The following NCALD variants were observed in gnomAD, a reference collection of about 807,000 sequenced individuals.
NCALD encodes neurocalcin delta, also known as neurocalcin-delta.
NCALD carries 10 observed loss-of-function variants against 18.6 expected under a neutral mutation model. The observed-to-expected ratio is 0.54, with a 90% CI of 0.33 to 0.91. The LOEUF (loss-of-function observed/expected upper bound fraction) is 0.91, where lower values mean the gene tolerates loss of function less well. Among genes scored for constraint, NCALD ranks in the 40% least tolerant of loss-of-function variants. The pLI is 0.03. For missense variants in NCALD, 184 were observed against 247.6 expected (o/e 0.74, Z 1.72); for synonymous variants, 88 against 87.4 (o/e 1.01, Z -0.04).
At chr8:101,826,603 G>A (rs1264191252) in intron 4 of NCALD, among the ~76,000 whole-genome samples, 1 of 152,110 alleles carries the variant, frequency 6.6e-6, no homozygotes. Context: ...TATGTGTGTG[G>A]GTGATTTGAA....
chr8:101,854,713 T>G (rs1815236102), intron 4 of NCALD, among the ~76,000 whole-genome samples: 1 of 152,216 alleles, frequency 6.6e-6, no homozygotes, highest in South Asian at 2.1e-4. Flanking sequence ...AATTCAGGGC[T>G]AACACACCGA....
intron 1 of NCALD, among the ~76,000 whole-genome samples, chr8:102,069,465 G>A (rs1057497671): frequency 2.0e-5 from 3 of 152,170 alleles, no homozygotes; most frequent in Non-Finnish European, 4.4e-5. Flanking sequence ...CTGCAGGAAT[G>A]TTTTGCAATA....
chr8:101,697,721 A>T (rs952766039), intron 2 of NCALD, among the ~76,000 whole-genome samples: 3 of 152,214 alleles, frequency 2.0e-5, no homozygotes, highest in African/African-American at 7.2e-5. Flanking sequence ...TCAATAGATC[A>T]GAAAAGGCCT....
At position 102,017,452 on chromosome 8, in the gene NCALD, G is replaced by A. The variant is rs146046198; in HGVS notation, c.-157+2785C>T. 3.6e-3 allele frequency among the ~76,000 whole-genome samples: 548 copies of A among 152,272 alleles called. 2 individuals are homozygous for A. Among genetic ancestry groups the A allele is most frequent in the Non-Finnish European group, 6.2e-3 (425 of 68,024 alleles). Reference sequence around the variant, plus strand: ...TTCCAGGCTGAGCGCGGTGGCTCACGCCTATAATACCAGCACTTTGGGAGG... The same window carrying A: ...TTCCAGGCTGAGCGCGGTGGCTCACACCTATAATACCAGCACTTTGGGAGG... On this transcript the variant is annotated intron_variant, in intron 2 of 6. Transcript: ENST00000311028.
At chr8:101,932,152 TGC>T (rs1818600276) in intron 2 of NCALD, among the ~76,000 whole-genome samples, 1 of 152,180 alleles carries the variant, frequency 6.6e-6, no homozygotes, top group Admixed American at 6.5e-5. Flanking sequence ...GACAGTGCTC[TGC>T]CAGTTGTGTC....
chr8:102,030,609 C>A (rs971011168), intron 1 of NCALD, among the ~76,000 whole-genome samples: 5 of 152,184 alleles, frequency 3.3e-5, no homozygotes, highest in Non-Finnish European at 7.3e-5. Flanking sequence ...GGGCTGGGCA[C>A]AGTGGCTCAT....
At chr8:101,822,792 G>C (rs1402498334) in intron 4 of NCALD, among the ~76,000 whole-genome samples, 2 of 152,170 alleles carry the variant, frequency 1.3e-5, no homozygotes, top group Non-Finnish European at 2.9e-5. Context: ...GCCCCCCTCT[G>C]CCCTTCCATT....
At chr8:101,989,775 G>T (rs970165930) in intron 2 of NCALD, among the ~76,000 whole-genome samples, 1 of 152,164 alleles carries the variant, frequency 6.6e-6, no homozygotes, top group Non-Finnish European at 1.5e-5. Flanking sequence ...TAGAGCTGTG[G>T]TATCTGTAAG....
At chr8:101,869,926 G>C (rs950578049) in intron 4 of NCALD, among the ~76,000 whole-genome samples, 4 of 152,170 alleles carry the variant, frequency 2.6e-5, no homozygotes, top group African/African-American at 9.7e-5. Context: ...ATTGGGGCTT[G>C]ATTTCATGTA....
chr8:101,770,524 TG>T (rs902325701), intron 1 of NCALD, among the ~76,000 whole-genome samples: 32 of 152,138 alleles, frequency 2.1e-4, no homozygotes, highest in African/African-American at 7.0e-4. Context: ...TGCAAACTCC[TG>T]GGGGGGCTTC....
intron 1 of NCALD, among the ~76,000 whole-genome samples, chr8:101,733,625 C>T (rs1205079748): frequency 1.3e-5 from 2 of 152,162 alleles, no homozygotes; most frequent in Non-Finnish European, 1.5e-5. Flanking sequence ...TTGTTTACAA[C>T]GATGAGCCCT....
intron 1 of NCALD, among the ~76,000 whole-genome samples, chr8:102,097,719 A>T (rs926003135): frequency 3.9e-5 from 6 of 152,186 alleles, no homozygotes; most frequent in Non-Finnish European, 8.8e-5. Flanking sequence ...CATTTTTAGC[A>T]CTGAAACCTT....
At chr8:101,775,211 C>T (rs1217563672) in intron 1 of NCALD, among the ~76,000 whole-genome samples, 1 of 152,166 alleles carries the variant, frequency 6.6e-6, no homozygotes, top group Non-Finnish European at 1.5e-5. Context: ...AACTTACTGT[C>T]CCCTAAAGGC....
At chr8:101,776,190 A>C (rs529351910) in intron 1 of NCALD, among the ~76,000 whole-genome samples, 1 of 152,330 alleles carries the variant, frequency 6.6e-6, no homozygotes, top group African/African-American at 2.4e-5. Flanking sequence ...ATCAGACTGA[A>C]AATGGCTAAA....
chr8:101,788,557 G>A (rs1160932340), intron 1 of NCALD: 1 of 152,174 alleles, frequency 6.6e-6, no homozygotes, highest in Non-Finnish European at 1.5e-5. Flanking sequence ...AACAAAGCAT[G>A]TATCACAATT....
chr8:101,871,271 T>C (rs1340061682), intron 4 of NCALD, among the ~76,000 whole-genome samples: 1 of 152,176 alleles, frequency 6.6e-6, no homozygotes, highest in Non-Finnish European at 1.5e-5. Context: ...AGGATGGTAA[T>C]GATATCAGCA....
At chr8:102,044,387 A>G (rs192637558) in intron 1 of NCALD, among the ~76,000 whole-genome samples, 2 of 150,420 alleles carry the variant, frequency 1.3e-5, no homozygotes, top group South Asian at 2.1e-4. Context: ...AAACCTTAGC[A>G]TAACTTCTAC....
In NCALD at chr8:101,790,943, G is replaced by A. The variant is rs1479427367; in HGVS notation, c.-101C>T. The A allele has an allele frequency of 6.6e-6, 1 of 152,320 alleles. No homozygotes were observed. Among genetic ancestry groups the A allele is most frequent in the African/African-American group, 2.4e-5 (1 of 41,446 alleles). 9.4% of individuals were successfully genotyped at this position (152,320 alleles called of 1,614,324 possible). On this transcript the variant is annotated 5_prime_UTR_variant, in exon 1 of 4. Coordinates refer to ENST00000220931, the MANE Select transcript of NCALD (RefSeq NM_032041.3). Reference sequence around the variant, plus strand: ...GCAGTAGCAGCAGCAGCAAGGTCCAGCATCCACCAGATTCTCACAAGCCTT... The same window carrying A: ...GCAGTAGCAGCAGCAGCAAGGTCCAACATCCACCAGATTCTCACAAGCCTT...
At chr8:101,864,407 G>A (rs1001176692) in intron 4 of NCALD, among the ~76,000 whole-genome samples, 7 of 152,260 alleles carry the variant, frequency 4.6e-5, no homozygotes, top group South Asian at 2.1e-4. Context: ...GATTAATTAC[G>A]GATGGCTCCA....
Sources: allele counts gnomAD v4.1 joint callset (sites outside exome capture counted in the v4.1 genomes callset), GRCh38; gene constraint gnomAD v4.1.1; transcripts MANE v1.5; gene names NCBI Gene and HGNC (gene_info 2026-07-23, HGNC 2026-07-21).